The following PREX1 variants were observed in gnomAD, a reference collection of about 807,000 sequenced individuals.
PREX1 encodes the protein phosphatidylinositol-3,4,5-trisphosphate dependent Rac exchange factor 1.
In PREX1, 41 loss-of-function variants were observed where a neutral mutation model predicts 198.3. The ratio of observed to expected loss-of-function variants is 0.21; its 90% CI spans 0.16 to 0.27. The LOEUF (loss-of-function observed/expected upper bound fraction) is 0.27. Among genes scored for constraint, PREX1 ranks in the 10% least tolerant of loss-of-function variants. The probability of loss-of-function intolerance (pLI) is 1.00; values close to 1 mark genes in which losing one functional copy is unlikely to be tolerated. For missense variants in PREX1, 1,620 were observed against 2,200.7 expected (o/e 0.74, Z 5.28); for synonymous variants, 843 against 887.2 (o/e 0.95, Z 0.89).
At chr20:48,796,439 G>C (rs1194296015) in intron 1 of PREX1, among the ~76,000 whole-genome samples, 3 of 152,006 alleles carry the variant, frequency 2.0e-5, no homozygotes, top group Non-Finnish European at 4.4e-5. Context: ...AACGTGTACT[G>C]TGGGCCCCAC....
At chr20:48,637,615 G>C (rs2089374858) in intron 31 of PREX1, 96 bp downstream of exon 31, 1 of 1,269,288 alleles carries the variant, frequency 7.9e-7, no homozygotes, top group Non-Finnish European at 1.1e-6. Flanking sequence ...CCAAAGCGTT[G>C]CCTCCCCCCG....
intron 1 of PREX1, among the ~76,000 whole-genome samples, chr20:48,781,422 G>A (rs2090289323): frequency 6.6e-6 from 1 of 152,168 alleles, no homozygotes; most frequent in African/African-American, 2.4e-5. Context: ...AAAGCCCTGT[G>A]CTGACCAAAC....
chr20:48,833,192 T>A, the PREX1 span, among the ~76,000 whole-genome samples: 1 of 152,146 alleles, frequency 6.6e-6, no homozygotes, highest in Non-Finnish European at 1.5e-5. Flanking sequence ...CTTGGATGGG[T>A]GTTTGCTATT....
chr20:48,805,348 G>A (rs1478690299), intron 1 of PREX1, among the ~76,000 whole-genome samples: 3 of 152,234 alleles, frequency 2.0e-5, no homozygotes, highest in Non-Finnish European at 4.4e-5. Context: ...CGGGTGCAAG[G>A]TGATCCAGGC....
At chr20:48,789,464 T>C (rs2090327537) in intron 1 of PREX1, among the ~76,000 whole-genome samples, 1 of 152,150 alleles carries the variant, frequency 6.6e-6, no homozygotes, top group Non-Finnish European at 1.5e-5. Flanking sequence ...TCTCATTTAA[T>C]ACAACACCCT....
intron 1 of PREX1, among the ~76,000 whole-genome samples, chr20:48,790,313 C>A (rs2090332365): frequency 6.6e-6 from 1 of 152,048 alleles, no homozygotes. Context: ...TAGGGCTGAC[C>A]CAGTCTAACC....
intron 1 of PREX1, among the ~76,000 whole-genome samples, chr20:48,804,725 C>T (rs73122606): frequency 0.023 from 3,526 of 152,258 alleles, 67 homozygotes; most frequent in Non-Finnish European, 0.036. Flanking sequence ...GTGGCTGAGA[C>T]CCGGGGCTAC....
chr20:48,843,309 G>T, the PREX1 span, among the ~76,000 whole-genome samples: 2 of 152,162 alleles, frequency 1.3e-5, no homozygotes, highest in Non-Finnish European at 2.9e-5. Context: ...AACTCAGAAG[G>T]CTGTCTCTGA....
At chr20:48,694,554 A>G (rs1438169923) in intron 7 of PREX1, among the ~76,000 whole-genome samples, 3 of 152,242 alleles carry the variant, frequency 2.0e-5, no homozygotes, top group African/African-American at 7.2e-5. Context: ...AAGATACGGC[A>G]GAAAATGAAC....
intron 33 of PREX1, 52 bp from the exon 34 acceptor site, chr20:48,632,691 G>T: frequency 6.3e-7 from 1 of 1,598,932 alleles, no homozygotes; most frequent in Non-Finnish European, 8.6e-7. Flanking sequence ...AAGGCCAGGG[G>T]AAGCCCTGGC....
intron 1 of PREX1, among the ~76,000 whole-genome samples, chr20:48,786,953 C>G (rs1051611426): frequency 6.6e-6 from 1 of 151,772 alleles, no homozygotes; most frequent in Non-Finnish European, 1.5e-5. Context: ...CACAAGGATG[C>G]GACTCCTGAC....
intron 5 of PREX1, among the ~76,000 whole-genome samples, chr20:48,720,687 G>T (rs2089981285): frequency 6.6e-6 from 1 of 151,896 alleles, no homozygotes; most frequent in Non-Finnish European, 1.5e-5. Flanking sequence ...CCATGCTCCG[G>T]GAAACACGTC....
intron 33 of PREX1, among the ~76,000 whole-genome samples, chr20:48,632,886 G>T (rs552604575): frequency 4.6e-5 from 7 of 152,082 alleles, no homozygotes; most frequent in Non-Finnish European, 8.8e-5. Context: ...CCTCCCTTTC[G>T]CCTGCTTCAT....
intron 2 of PREX1, 118 bp from the exon 3 acceptor site, chr20:48,745,265 A>T (rs777406042): frequency 2.3e-4 from 250 of 1,092,662 alleles, no homozygotes; most frequent in Non-Finnish European, 2.9e-4. Context: ...AGAACTCTCA[A>T]ACACCGGAAC....
chr20:48,797,040 G>A (rs114670142), intron 1 of PREX1, among the ~76,000 whole-genome samples: 1,770 of 151,828 alleles, frequency 0.012, 28 homozygotes, highest in African/African-American at 0.041. Context: ...TCACCAAGCC[G>A]TTTACTTGGT....
At chr20:48,634,625 T>C in intron 33 of PREX1, 51 bp downstream of exon 33, 1 of 1,583,114 alleles carries the variant, frequency 6.3e-7, no homozygotes, top group Non-Finnish European at 8.7e-7. Context: ...AGCTGTCCCT[T>C]CCACCCCAGG....
intron 1 of PREX1, among the ~76,000 whole-genome samples, chr20:48,753,100 G>C (rs1268822444): frequency 6.6e-6 from 1 of 152,172 alleles, no homozygotes; most frequent in African/African-American, 2.4e-5. Flanking sequence ...TGTTTACTCA[G>C]CTCCCAGCCT....
intron 15 of PREX1, among the ~76,000 whole-genome samples, chr20:48,661,193 C>G (rs879579086): frequency 2.0e-5 from 3 of 151,644 alleles, no homozygotes; most frequent in Non-Finnish European, 2.9e-5. Context: ...TCGAGGCAGG[C>G]AGATTACCCA....
intron 1 of PREX1, among the ~76,000 whole-genome samples, chr20:48,769,118 C>T (rs1413796128): frequency 5.9e-5 from 9 of 152,214 alleles, no homozygotes; most frequent in Non-Finnish European, 7.3e-5. Context: ...TGTGCATCCA[C>T]GAAGCCCTGG....
Sources: allele counts gnomAD v4.1 joint callset (sites outside exome capture counted in the v4.1 genomes callset), GRCh38; gene constraint gnomAD v4.1.1; transcripts MANE v1.5; gene names NCBI Gene and HGNC (gene_info 2026-07-23, HGNC 2026-07-21).